The following SLC10A7 variants were observed in gnomAD, a reference collection of about 807,000 sequenced individuals.
SLC10A7 encodes solute carrier family 10 member 7.
Under a neutral mutation model 43.2 loss-of-function variants are expected in SLC10A7, and 29 were observed. The observed-to-expected ratio is 0.67, with a 90% CI of 0.50 to 0.92. SLC10A7 has a LOEUF of 0.92. Ranked by LOEUF, SLC10A7 falls within the 40% of genes least tolerant of loss-of-function variation. SLC10A7 has a pLI of 0.00. For missense variants in SLC10A7, 295 were observed against 403.2 expected (o/e 0.73, Z 2.30); for synonymous variants, 152 against 144.8 (o/e 1.05, Z -0.35).
intron 5 of SLC10A7, among the ~76,000 whole-genome samples, chr4:146,379,986 T>C (rs1433384757): frequency 6.6e-6 from 1 of 151,456 alleles, no homozygotes; most frequent in South Asian, 2.1e-4. Flanking sequence ...TGTGTGTGCG[T>C]GTGTGTATGC....
At chr4:146,511,020 CAGTA>C (rs1173837186) in intron 2 of SLC10A7, among the ~76,000 whole-genome samples, 3 of 152,152 alleles carry the variant, frequency 2.0e-5, no homozygotes, top group Non-Finnish European at 4.4e-5. Flanking sequence ...ACAAGAATCT[CAGTA>C]AGTAAATACT....
chr4:146,385,700 A>C (rs980191030), intron 5 of SLC10A7, among the ~76,000 whole-genome samples: 4 of 152,198 alleles, frequency 2.6e-5, no homozygotes, highest in Non-Finnish European at 5.9e-5. Flanking sequence ...TGATCTCATC[A>C]GCCAGATAGT....
At chr4:146,440,586 T>A (rs1730523435) in intron 5 of SLC10A7, among the ~76,000 whole-genome samples, 1 of 152,118 alleles carries the variant, frequency 6.6e-6, no homozygotes, top group African/African-American at 2.4e-5. Context: ...TCACTATCAA[T>A]TTTTTTCTCT....
chr4:146,296,647 T>A (rs1287820256), intron 7 of SLC10A7, among the ~76,000 whole-genome samples: 2 of 152,208 alleles, frequency 1.3e-5, no homozygotes, highest in Non-Finnish European at 2.9e-5. Flanking sequence ...CCATTTCTAG[T>A]CTTATTGTGA....
chr4:146,468,768 G>A (rs1733287729), intron 4 of SLC10A7, among the ~76,000 whole-genome samples: 1 of 152,164 alleles, frequency 6.6e-6, no homozygotes, highest in African/African-American at 2.4e-5. Flanking sequence ...GGCCAGCAAG[G>A]CTTTTAAAAT....
At chr4:146,371,365 C>T (rs1328640481) in intron 5 of SLC10A7, among the ~76,000 whole-genome samples, 1 of 150,312 alleles carries the variant, frequency 6.7e-6, no homozygotes, top group East Asian at 1.9e-4. Flanking sequence ...TGTTTGCTTT[C>T]TTCCTTGTAT....
chr4:146,460,988 C>A (rs1732478340), intron 4 of SLC10A7, among the ~76,000 whole-genome samples: 1 of 151,592 alleles, frequency 6.6e-6, no homozygotes, highest in African/African-American at 2.4e-5. Flanking sequence ...AGAAATGAAC[C>A]AAAACCACCA....
At chr4:146,431,655 G>T (rs1013486280) in intron 5 of SLC10A7, among the ~76,000 whole-genome samples, 8 of 151,408 alleles carry the variant, frequency 5.3e-5, no homozygotes, top group Non-Finnish European at 7.4e-5. Context: ...ATTCAAAATG[G>T]GTCACAAGAC....
intron 5 of SLC10A7, among the ~76,000 whole-genome samples, chr4:146,373,123 C>T (rs941458966): frequency 1.3e-5 from 2 of 152,106 alleles, no homozygotes; most frequent in African/African-American, 4.8e-5. Flanking sequence ...GAAGAAAGAA[C>T]ATTTTAAAGC....
intron 4 of SLC10A7, among the ~76,000 whole-genome samples, chr4:146,450,876 G>A (rs1296117533): frequency 2.6e-5 from 4 of 152,090 alleles, no homozygotes; most frequent in Non-Finnish European, 5.9e-5. Context: ...ACCCAGAACA[G>A]AGTGGATTAC....
At chr4:146,505,298 T>C (rs1271836623) in intron 3 of SLC10A7, among the ~76,000 whole-genome samples, 2 of 152,190 alleles carry the variant, frequency 1.3e-5, no homozygotes, top group Non-Finnish European at 2.9e-5. Context: ...GAATAGTAAA[T>C]ATATTTTTTC....
At chr4:146,407,690 G>A (rs1048287321) in intron 5 of SLC10A7, among the ~76,000 whole-genome samples, 2 of 152,136 alleles carry the variant, frequency 1.3e-5, no homozygotes, top group African/African-American at 4.8e-5. Context: ...CTACTTTATA[G>A]CCATTCCCAC....
At chr4:146,423,685 C>T (rs1190682501) in intron 5 of SLC10A7, among the ~76,000 whole-genome samples, 1 of 152,086 alleles carries the variant, frequency 6.6e-6, no homozygotes, top group Non-Finnish European at 1.5e-5. Flanking sequence ...TACTCAATAG[C>T]CCTAAAGGAA....
intron 4 of SLC10A7, among the ~76,000 whole-genome samples, chr4:146,479,969 G>T (rs1734334348): frequency 6.6e-6 from 1 of 151,946 alleles, no homozygotes; most frequent in South Asian, 2.1e-4. Flanking sequence ...ATCTGTCTCG[G>T]AATATTTTAA....
chr4:146,258,268 A>G (rs918741070), intron 11 of SLC10A7, among the ~76,000 whole-genome samples: 2 of 152,234 alleles, frequency 1.3e-5, no homozygotes, highest in Admixed American at 6.5e-5. Flanking sequence ...AAAATTAAAA[A>G]TAAAGTAGGC....
chr4:146,517,969 C>T (rs564306223), intron 1 of SLC10A7, among the ~76,000 whole-genome samples: 82 of 152,258 alleles, frequency 5.4e-4, no homozygotes, highest in African/African-American at 1.9e-3. Context: ...TAATATATTG[C>T]TATGACCGTA....
intron 5 of SLC10A7, among the ~76,000 whole-genome samples, chr4:146,351,690 GC>G (rs1735120483): frequency 6.6e-6 from 1 of 151,274 alleles, no homozygotes; most frequent in Admixed American, 6.6e-5. Context: ...GGATCTCTTG[GC>G]AGAAACCCTA....
At chr4:146,514,430 A>T (rs1737764860) in intron 2 of SLC10A7, 1 of 152,226 alleles carries the variant, frequency 6.6e-6, no homozygotes, top group African/African-American at 2.4e-5. Flanking sequence ...CTAAATATGA[A>T]TTTTAAATGT....
intron 4 of SLC10A7, among the ~76,000 whole-genome samples, chr4:146,492,167 C>A (rs1431736856): frequency 6.6e-6 from 1 of 151,772 alleles, no homozygotes; most frequent in Non-Finnish European, 1.5e-5. Flanking sequence ...TTGCAGTGAG[C>A]CGAGATCGCG....
Sources: gnomAD v4.1 joint callset for allele counts (sites outside exome capture counted in the v4.1 genomes callset) on GRCh38, gnomAD v4.1.1 for gene constraint, MANE v1.5 for transcripts, NCBI Gene and HGNC (gene_info 2026-07-23, HGNC 2026-07-21) for gene names.